PEBP4: variants seen among roughly 807,000 people sequenced by gnomAD.
PEBP4 encodes phosphatidylethanolamine binding protein 4.
In PEBP4, 22 loss-of-function variants were observed where a neutral mutation model predicts 23.9. The observed-to-expected ratio is 0.92, with a 90% CI of 0.66 to 1.31. PEBP4 has a LOEUF of 1.31. PEBP4 is among the 40% of genes most tolerant of loss of function. The pLI is 0.00. For missense variants in PEBP4, 324 were observed against 281.7 expected (o/e 1.15, Z -1.07); for synonymous variants, 112 against 99.3 (o/e 1.13, Z -0.76).
At chr8:22,794,157 T>A (rs1806195246) in intron 4 of PEBP4, among the ~76,000 whole-genome samples, 1 of 152,246 alleles carries the variant, frequency 6.6e-6, no homozygotes, top group Admixed American at 6.5e-5. Context: ...ATTTTTCTAC[T>A]TAGTATTTTT....
At chr8:22,731,129 G>T (rs759751782) in intron 4 of PEBP4, among the ~76,000 whole-genome samples, 3 of 152,200 alleles carry the variant, frequency 2.0e-5, no homozygotes, top group African/African-American at 7.2e-5. Context: ...AAATATAGTT[G>T]ATCTTTGAAC....
chr8:22,790,428 C>T (rs952286704), intron 4 of PEBP4, among the ~76,000 whole-genome samples: 6 of 152,122 alleles, frequency 3.9e-5, no homozygotes, highest in South Asian at 2.1e-4. Flanking sequence ...CTGCTTACAT[C>T]GGTGGGATTT....
chr8:22,798,838 A>G (rs1806324206), intron 4 of PEBP4, among the ~76,000 whole-genome samples: 1 of 146,010 alleles, frequency 6.8e-6, no homozygotes, highest in Non-Finnish European at 1.5e-5. Context: ...CCCAGGTTCA[A>G]GTGATTCTCC....
intron 3 of PEBP4, among the ~76,000 whole-genome samples, chr8:22,868,051 T>C (rs1411232028): frequency 2.0e-5 from 3 of 152,164 alleles, no homozygotes; most frequent in Admixed American, 1.3e-4. Context: ...TTTGGCTGTT[T>C]GATAAGTGGC....
At chr8:22,748,863 C>A (rs767953817) in intron 4 of PEBP4, among the ~76,000 whole-genome samples, 1 of 152,156 alleles carries the variant, frequency 6.6e-6, no homozygotes, top group South Asian at 2.1e-4. Context: ...GATTTAGGTG[C>A]GGACTTGCCT....
intron 4 of PEBP4, among the ~76,000 whole-genome samples, chr8:22,753,338 A>G (rs1354491328): frequency 6.6e-6 from 1 of 152,138 alleles, no homozygotes; most frequent in East Asian, 1.9e-4. Flanking sequence ...ATCTCTCAGT[A>G]ATGCAGAACC....
intron 3 of PEBP4, among the ~76,000 whole-genome samples, chr8:22,906,058 G>A (rs1221618522): frequency 6.6e-6 from 1 of 152,132 alleles, no homozygotes; most frequent in Non-Finnish European, 1.5e-5. Context: ...CCAAACACCA[G>A]GTTTTCATGA....
intron 6 of PEBP4, among the ~76,000 whole-genome samples, chr8:22,716,108 T>G (rs534493692): frequency 6.6e-6 from 1 of 152,246 alleles, no homozygotes; most frequent in African/African-American, 2.4e-5. Context: ...GTGGGAGGCC[T>G]TGGCTGAAGG....
chr8:22,939,396 AG>A (rs1248159492), intron 1 of PEBP4, among the ~76,000 whole-genome samples: 2 of 152,274 alleles, frequency 1.3e-5, no homozygotes, highest in East Asian at 3.9e-4. Flanking sequence ...CTCTACATAA[AG>A]GAAGAACAAT....
At chr8:22,803,919 A>G (rs1194786393) in intron 4 of PEBP4, among the ~76,000 whole-genome samples, 1 of 152,136 alleles carries the variant, frequency 6.6e-6, no homozygotes, top group Non-Finnish European at 1.5e-5. Flanking sequence ...TGCTCTCTCC[A>G]TGGCCACGGC....
intron 2 of PEBP4, among the ~76,000 whole-genome samples, chr8:22,923,774 G>A (rs1162440044): frequency 6.6e-6 from 1 of 152,178 alleles, no homozygotes; most frequent in Non-Finnish European, 1.5e-5. Flanking sequence ...TCATAAGAGA[G>A]GCTGAAGGGA....
chr8:22,796,401 CAGA>C (rs1234511121), intron 4 of PEBP4, among the ~76,000 whole-genome samples: 1 of 152,172 alleles, frequency 6.6e-6, no homozygotes, highest in Non-Finnish European at 1.5e-5. Context: ...GTGCTGAACT[CAGA>C]AGGTGTGCTC....
At chr8:22,906,655 C>A (rs1002643877) in intron 3 of PEBP4, among the ~76,000 whole-genome samples, 6 of 152,254 alleles carry the variant, frequency 3.9e-5, no homozygotes, top group African/African-American at 1.4e-4. Flanking sequence ...TCATCCTCAT[C>A]TACCAAATTC....
chr8:22,831,584 A>G (rs1807084213), intron 3 of PEBP4, among the ~76,000 whole-genome samples: 1 of 152,168 alleles, frequency 6.6e-6, no homozygotes, highest in Non-Finnish European at 1.5e-5. Context: ...CTTTGAGGAC[A>G]TAGTAGCCTA....
At chr8:22,760,623 G>C (rs1805488401) in intron 4 of PEBP4, among the ~76,000 whole-genome samples, 1 of 152,068 alleles carries the variant, frequency 6.6e-6, no homozygotes, top group South Asian at 2.1e-4. Flanking sequence ...CAGGGAGAAG[G>C]CTCCAGAGGC....
chr8:22,845,641 T>G (rs1267346649), intron 3 of PEBP4, among the ~76,000 whole-genome samples: 1 of 152,208 alleles, frequency 6.6e-6, no homozygotes, highest in Non-Finnish European at 1.5e-5. Flanking sequence ...CAGCTCTACA[T>G]CCATCTCTGT....
chr8:22,866,912 C>T lies in PEBP4; in HGVS notation c.259-49177G>A, dbSNP rs562513666. ...CCTAGTGGAAGTGGAGGAGCTAGTCCGGCTGGGAGATGGGGAAGGGGACCC... is the reference window on the plus strand; with the variant it reads ...CCTAGTGGAAGTGGAGGAGCTAGTCTGGCTGGGAGATGGGGAAGGGGACCC... On this transcript the variant is annotated intron_variant, in intron 3 of 6. Coordinates refer to ENST00000256404, the MANE Select transcript of PEBP4 (RefSeq NM_144962.3). Among the ~76,000 whole-genome samples, 14 of 152,196 alleles carry T rather than the reference C, an allele frequency of 9.2e-5. No individual in the cohort carries two copies. In the East Asian group the frequency reaches 9.6e-4, roughly 10 times the overall value.
intron 4 of PEBP4, among the ~76,000 whole-genome samples, chr8:22,750,373 T>A (rs1489187990): frequency 6.6e-6 from 1 of 152,262 alleles, no homozygotes; most frequent in Non-Finnish European, 1.5e-5. Context: ...GTGCTGGGAT[T>A]ACAGGCGTGA....
chr8:22,810,724 G>A (rs903041069), intron 4 of PEBP4, among the ~76,000 whole-genome samples: 1 of 151,398 alleles, frequency 6.6e-6, no homozygotes. Flanking sequence ...GAGAGAGAGA[G>A]AGAGAAAGAG....
Sources: allele counts gnomAD v4.1 joint callset (sites outside exome capture counted in the v4.1 genomes callset), GRCh38; gene constraint gnomAD v4.1.1; transcripts MANE v1.5; gene names NCBI Gene and HGNC (gene_info 2026-07-23, HGNC 2026-07-21).